NSD2: variants seen among roughly 807,000 people sequenced by gnomAD.
NSD2 encodes nuclear receptor binding SET domain protein 2.
Under a neutral mutation model 139.0 loss-of-function variants are expected in NSD2, and 12 were observed. The ratio of observed to expected loss-of-function variants is 0.09; its 90% confidence interval spans 0.06 to 0.14. The LOEUF (loss-of-function observed/expected upper bound fraction) is 0.14. NSD2 is among the 10% of genes least tolerant of loss of function. The pLI is 1.00. For missense variants in NSD2, 1,155 were observed against 1,745.0 expected, an observed-to-expected ratio of 0.66 and a Z score of 6.02; for synonymous variants, 669 against 648.7, an observed-to-expected ratio of 1.03 and a Z score of -0.48.
At chr4:1,896,646 A>AGT (rs879476924) in intron 1 of NSD2, among the ~76,000 whole-genome samples, 51 of 152,130 alleles carry the variant, frequency 3.4e-4, no homozygotes, top group Non-Finnish European at 6.8e-4. Flanking sequence ...GATTACAAGT[A>AGT]GTGAACCACT....
chr4:1,951,443 TA>T (rs869259244), intron 10 of NSD2, among the ~76,000 whole-genome samples: 85,258 of 101,050 alleles, frequency 0.84, 36,200 homozygotes, highest in Admixed American at 0.91. Context: ...CATCATGTAA[TA>T]CACACACACA....
intron 3 of NSD2, among the ~76,000 whole-genome samples, chr4:1,907,894 CTG>C (rs1036789264): frequency 4.6e-5 from 7 of 152,160 alleles, no homozygotes; most frequent in African/African-American, 1.7e-4. Flanking sequence ...GCATGAGTCA[CTG>C]TGCCTAGCCT....
At chr4:1,914,586 G>A (rs1419262355) in intron 3 of NSD2, among the ~76,000 whole-genome samples, 1 of 151,920 alleles carries the variant, frequency 6.6e-6, no homozygotes, top group African/African-American at 2.4e-5. Flanking sequence ...TTGGCCTCCC[G>A]AAGTGCTGGG....
intron 1 of NSD2, among the ~76,000 whole-genome samples, chr4:1,898,818 T>C (rs1318761603): frequency 6.6e-6 from 1 of 151,848 alleles, no homozygotes; most frequent in Non-Finnish European, 1.5e-5. Context: ...TCTGAGACTC[T>C]CTCCTTGAGA....
chr4:1,919,686 C>A (rs749350147), intron 5 of NSD2, among the ~76,000 whole-genome samples: 1 of 152,114 alleles, frequency 6.6e-6, no homozygotes, highest in African/African-American at 2.4e-5. Context: ...GTAATCCCAA[C>A]ACTTTGGGAA....
chr4:1,876,694 A>G (rs1714286819), intron 1 of NSD2, among the ~76,000 whole-genome samples: 1 of 151,978 alleles, frequency 6.6e-6, no homozygotes, highest in Non-Finnish European at 1.5e-5. Context: ...CTCTCAAAAA[A>G]CAAACCTAAA....
At chr4:1,922,020 C>T (rs924439736) in intron 5 of NSD2, among the ~76,000 whole-genome samples, 3 of 151,954 alleles carry the variant, frequency 2.0e-5, no homozygotes, top group African/African-American at 4.8e-5. Context: ...TGGTGATGCG[C>T]GCTTGTAATC....
intron 3 of NSD2, among the ~76,000 whole-genome samples, chr4:1,907,826 T>C (rs951479379): frequency 1.3e-5 from 2 of 152,128 alleles, no homozygotes; most frequent in African/African-American, 4.8e-5. Context: ...TTGGCCAGGA[T>C]GATCTTGATC....
chr4:1,981,439 C>T lies in NSD2; in HGVS notation c.*2530C>T, dbSNP rs1487377503. The T allele has an allele frequency of 4.3e-6, 1 of 234,838 alleles. No homozygotes were observed. The highest frequency in any genetic ancestry group is 8.4e-6 in the Non-Finnish European group (1 of 119,298). The allele number at this position is 234,838 out of a possible 1,614,324, so 14.5% of individuals were successfully genotyped here. Reference sequence around the variant, plus strand: ...CTGAACATCAGCTTCAATCCTCCATCATTAATGTGAAGCAAAACACAAAAA... The same window carrying T: ...CTGAACATCAGCTTCAATCCTCCATTATTAATGTGAAGCAAAACACAAAAA... On this transcript the variant is annotated 3_prime_UTR_variant, in exon 22 of 22. Coordinates refer to ENST00000508803, the MANE Select transcript of NSD2 (RefSeq NM_001042424.3).
intron 9 of NSD2, chr4:1,945,092 G>A: frequency 1.9e-6 from 2 of 1,066,662 alleles, no homozygotes; most frequent in Non-Finnish European, 2.3e-6. Flanking sequence ...TGAGTGGGTG[G>A]AGTGGTGCTT....
chr4:1,918,718 A>G, intron 5 of NSD2, 95 bp downstream of exon 5: 1 of 1,490,262 alleles, frequency 6.7e-7, no homozygotes, highest in Non-Finnish European at 9.0e-7. Context: ...TTATCAGGAG[A>G]CTCTAACATG....
At chr4:1,966,606 A>G (rs1577563486) in intron 18 of NSD2, among the ~76,000 whole-genome samples, 1 of 151,816 alleles carries the variant, frequency 6.6e-6, no homozygotes, top group East Asian at 1.9e-4. Context: ...GCAGTGAGCC[A>G]AGATCGTGCC....
Position 1,956,923 on chromosome 4 carries a change from G to A in NSD2, c.2881+735G>A, listed in dbSNP as rs77626068. Among the ~76,000 whole-genome samples, 1,217 of 152,362 alleles carry A rather than the reference G, an allele frequency of 8.0e-3. 21 individuals are homozygous for A. Among genetic ancestry groups the A allele is most frequent in the African/African-American group, 0.027 (1,142 of 41,574 alleles). ...GAAGCTTTGCAGGCTGCACTGAGTG[G>A]TAGGAGTGCATGGTGGGCATTCAGA... On this transcript the variant is annotated intron_variant, in intron 15 of 21. Transcript: ENST00000508803. This position sits in a 1 kb window ranked among gnomAD's most constrained non-coding sequence, Gnocchi z 5.3.
chr4:1,881,268 T>C (rs1026476378), intron 1 of NSD2, among the ~76,000 whole-genome samples: 13 of 152,092 alleles, frequency 8.5e-5, no homozygotes, highest in African/African-American at 3.1e-4. Flanking sequence ...TGTTTTTGTT[T>C]CTGTTTTTTT....
chr4:1,971,899 G>A (rs184075552), intron 18 of NSD2, among the ~76,000 whole-genome samples: 1 of 152,224 alleles, frequency 6.6e-6, no homozygotes, highest in African/African-American at 2.4e-5. Flanking sequence ...AGGACTACAA[G>A]TATGCTTAGC....
intron 9 of NSD2, 49 bp downstream of exon 9, chr4:1,939,827 T>G (rs781677187): frequency 6.2e-7 from 1 of 1,613,264 alleles, no homozygotes; most frequent in Admixed American, 1.7e-5. Flanking sequence ...TGAAGGCCAT[T>G]TAGCTGCCCA....
At chr4:1,938,417 T>TTTTTTTTTTTTTTTTTTTTTTTTTTA in intron 7 of NSD2, 34 bp from the exon 8 acceptor site, 1 of 190,424 alleles carries the variant, frequency 5.3e-6, no homozygotes. Flanking sequence ...TTTTTCTTTC[T>TTTTTTTTTTTTTTTTTTTTTTTTTTA]TTTTTTTTTT....
intron 1 of NSD2, among the ~76,000 whole-genome samples, chr4:1,878,935 A>T (rs1006986022): frequency 3.9e-5 from 6 of 152,160 alleles, no homozygotes; most frequent in Admixed American, 6.6e-5. Flanking sequence ...TCCTTGGTCC[A>T]ATCCTTACAG....
At chr4:1,900,383 A>G (rs1210469193) in intron 1 of NSD2, among the ~76,000 whole-genome samples, 1 of 152,156 alleles carries the variant, frequency 6.6e-6, no homozygotes, top group African/African-American at 2.4e-5. Context: ...TGCTGTCTTG[A>G]CTGACTTTCA....
Sources: gnomAD v4.1 joint callset for allele counts (sites outside exome capture counted in the v4.1 genomes callset) on GRCh38, gnomAD v4.1.1 for gene constraint, Gnocchi (gnomAD v3.1) non-coding constraint, MANE v1.5 for transcripts, NCBI Gene and HGNC (gene_info 2026-07-23, HGNC 2026-07-21) for gene names.